The following MECOM variants were observed in gnomAD, a reference collection of about 807,000 sequenced individuals.
MECOM encodes MDS1 and EVI1 complex locus.
MECOM carries 13 observed loss-of-function variants against 116.3 expected under a neutral mutation model. That is an observed-to-expected ratio of 0.11 (90% CI 0.07 to 0.18). The LOEUF (loss-of-function observed/expected upper bound fraction) is 0.18. MECOM is among the 10% of genes least tolerant of loss of function. The pLI is 1.00. For missense variants in MECOM, 1,299 were observed against 1,509.0 expected (o/e 0.86, Z 2.31); for synonymous variants, 528 against 535.2 (o/e 0.99, Z 0.19).
chr3:169,342,014 A>G (rs1414236757), intron 2 of MECOM, among the ~76,000 whole-genome samples: 1 of 152,084 alleles, frequency 6.6e-6, no homozygotes, highest in Non-Finnish European at 1.5e-5. Flanking sequence ...TTTTTTAATA[A>G]GTTCTCAAAA....
At chr3:169,655,851 A>G (rs1373812844) in intron 1 of MECOM, among the ~76,000 whole-genome samples, 1 of 152,216 alleles carries the variant, frequency 6.6e-6, no homozygotes, top group Non-Finnish European at 1.5e-5. Context: ...GAAACCCACT[A>G]AGATTTATTG....
intron 2 of MECOM, among the ~76,000 whole-genome samples, chr3:169,190,969 TA>T (rs1747447832): frequency 6.6e-6 from 1 of 151,876 alleles, no homozygotes; most frequent in Non-Finnish European, 1.5e-5. Flanking sequence ...ATGTACAGAG[TA>T]GGCAATTTTA....
chr3:169,530,275 A>G (rs1758451460), intron 1 of MECOM, among the ~76,000 whole-genome samples: 1 of 152,186 alleles, frequency 6.6e-6, no homozygotes, highest in Non-Finnish European at 1.5e-5. Context: ...GGTGTTACTC[A>G]CAGATTCTCT....
chr3:169,428,895 A>G (rs1459637923), intron 1 of MECOM, among the ~76,000 whole-genome samples: 1 of 152,176 alleles, frequency 6.6e-6, no homozygotes, highest in Non-Finnish European at 1.5e-5. Context: ...GGAAAAAAAT[A>G]AAAGAAAGGT....
chr3:169,530,021 T>C (rs1299762701), intron 1 of MECOM, among the ~76,000 whole-genome samples: 3 of 152,152 alleles, frequency 2.0e-5, no homozygotes, highest in African/African-American at 7.2e-5. Context: ...AGAAACAAAT[T>C]GGTATGAAGA....
At chr3:169,147,215 A>G in intron 2 of MECOM, 3 of 985,526 alleles carry the variant, frequency 3.0e-6, no homozygotes, top group Non-Finnish European at 3.6e-6. Context: ...CCAATGGGGG[A>G]AAACAAGCAG....
intron 1 of MECOM, among the ~76,000 whole-genome samples, chr3:169,475,137 A>C (rs1187498587): frequency 2.0e-5 from 3 of 152,226 alleles, no homozygotes; most frequent in East Asian, 1.9e-4. Context: ...ATGCACATAC[A>C]AATCACTTGA....
intron 2 of MECOM, among the ~76,000 whole-genome samples, chr3:169,300,182 C>G (rs1716440454): frequency 6.6e-6 from 1 of 152,162 alleles, no homozygotes; most frequent in South Asian, 2.1e-4. Context: ...GAAGTCATAA[C>G]CTTTGTTTAA....
At chr3:169,240,405 G>C (rs1754640762) in intron 2 of MECOM, among the ~76,000 whole-genome samples, 1 of 152,114 alleles carries the variant, frequency 6.6e-6, no homozygotes, top group Admixed American at 6.5e-5. Flanking sequence ...ACTTTTTATA[G>C]ACTGTGTTTT....
At chr3:169,421,940 T>C (rs1739835225) in intron 1 of MECOM, among the ~76,000 whole-genome samples, 1 of 152,106 alleles carries the variant, frequency 6.6e-6, no homozygotes, top group Admixed American at 6.6e-5. Flanking sequence ...TAGCATAGAA[T>C]AAAGAATTGA....
At chr3:169,534,954 G>A (rs778990119) in intron 1 of MECOM, among the ~76,000 whole-genome samples, 7 of 152,172 alleles carry the variant, frequency 4.6e-5, no homozygotes, top group South Asian at 2.1e-4. Flanking sequence ...ATTTAGTCCC[G>A]AAAGGGAAAT....
intron 12 of MECOM, among the ~76,000 whole-genome samples, chr3:169,098,605 T>C (rs1722505478): frequency 6.6e-6 from 1 of 152,218 alleles, no homozygotes; most frequent in African/African-American, 2.4e-5. Context: ...TTTTTCTCTT[T>C]CTAATTAACA....
At chr3:169,293,556 G>C (rs1047501426) in intron 2 of MECOM, among the ~76,000 whole-genome samples, 1 of 152,146 alleles carries the variant, frequency 6.6e-6, no homozygotes, top group Non-Finnish European at 1.5e-5. Flanking sequence ...CCTGCTCAGA[G>C]GGGCTACACC....
intron 2 of MECOM, among the ~76,000 whole-genome samples, chr3:169,334,531 T>C (rs1248314744): frequency 1.3e-5 from 2 of 152,272 alleles, no homozygotes; most frequent in South Asian, 2.1e-4. Context: ...GATTCCAACC[T>C]GCAAGAACCA....
chr3:169,580,196 C>T (rs923487622), intron 1 of MECOM, among the ~76,000 whole-genome samples: 16 of 152,192 alleles, frequency 1.1e-4, no homozygotes, highest in East Asian at 3.9e-4. Context: ...ATGGTGGCGT[C>T]GAACAATGCT....
At chr3:169,338,540 T>C (rs1279463848) in intron 2 of MECOM, among the ~76,000 whole-genome samples, 1 of 152,036 alleles carries the variant, frequency 6.6e-6, no homozygotes, top group Non-Finnish European at 1.5e-5. Flanking sequence ...CAAAGAAACC[T>C]TTCTATAGAT....
At chr3:169,461,656 A>G (rs537694745) in intron 1 of MECOM, among the ~76,000 whole-genome samples, 1 of 152,252 alleles carries the variant, frequency 6.6e-6, no homozygotes, top group Non-Finnish European at 1.5e-5. Context: ...ATTGCTCTCC[A>G]TTTTTGAAAA....
chr3:169,208,564 C>T (rs1289087070), intron 2 of MECOM, among the ~76,000 whole-genome samples: 1 of 151,722 alleles, frequency 6.6e-6, no homozygotes, highest in Non-Finnish European at 1.5e-5. Flanking sequence ...GCACTTAGGA[C>T]ATATTTAGGC....
chr3:169,609,734 A>T (rs73030360), intron 1 of MECOM, among the ~76,000 whole-genome samples: 4,049 of 152,302 alleles, frequency 0.027, 195 homozygotes, highest in African/African-American at 0.092. Flanking sequence ...ACAAGCAGCA[A>T]GTCAAAAAGA....
Sources: gnomAD v4.1 joint callset for allele counts (sites outside exome capture counted in the v4.1 genomes callset) on GRCh38, gnomAD v4.1.1 for gene constraint, MANE v1.5 for transcripts, NCBI Gene and HGNC (gene_info 2026-07-23, HGNC 2026-07-21) for gene names.